The following MFN1 variants were observed in gnomAD, a reference collection of about 807,000 sequenced individuals.
MFN1 encodes mitofusin-1.
MFN1 carries 65 observed loss-of-function variants against 92.4 expected under a neutral mutation model. The observed-to-expected ratio is 0.70, with a 90% CI of 0.58 to 0.86. The LOEUF (loss-of-function observed/expected upper bound fraction) is 0.86, where lower values mean the gene tolerates loss of function less well. MFN1 is among the 40% of genes least tolerant of loss of function. MFN1 has a pLI of 0.00. For missense variants in MFN1, 781 were observed against 868.0 expected, an observed-to-expected ratio of 0.90 and a Z score of 1.26; for synonymous variants, 297 against 300.9, an observed-to-expected ratio of 0.99 and a Z score of 0.13.
At chr3:179,384,108 A>G (rs1302101924) in intron 14 of MFN1, among the ~76,000 whole-genome samples, 2 of 152,200 alleles carry the variant, frequency 1.3e-5, no homozygotes, top group African/African-American at 4.8e-5. Flanking sequence ...TTCACTTAGT[A>G]TAATGTTTTC....
At chr3:179,351,757 G>A (rs1030103829) in intron 2 of MFN1, 143 bp from the exon 3 acceptor site, 18 of 685,628 alleles carry the variant, frequency 2.6e-5, no homozygotes, top group African/African-American at 3.6e-5. Flanking sequence ...TTGCCACGGA[G>A]TATGCACCTT....
chr3:179,347,872 G>C (rs1711975005), intron 1 of MFN1, 62 bp downstream of exon 1: 1 of 152,286 alleles, frequency 6.6e-6, no homozygotes, highest in South Asian at 2.1e-4. Context: ...GAGCGACTGG[G>C]GACCGGGGGC....
intron 14 of MFN1, among the ~76,000 whole-genome samples, chr3:179,385,014 T>C (rs1194249114): frequency 1.4e-5 from 2 of 145,750 alleles, no homozygotes; most frequent in Non-Finnish European, 3.0e-5. Flanking sequence ...CACGCCATTC[T>C]CCTGCCTCAG....
chr3:179,360,195 C>T (rs1402376509), intron 4 of MFN1, among the ~76,000 whole-genome samples: 12 of 152,200 alleles, frequency 7.9e-5, no homozygotes, highest in African/African-American at 4.8e-5. Flanking sequence ...AGATTACAGG[C>T]GTGAACCACC....
intron 5 of MFN1, among the ~76,000 whole-genome samples, chr3:179,363,437 T>G (rs918777816): frequency 2.6e-5 from 4 of 152,204 alleles, no homozygotes; most frequent in Non-Finnish European, 5.9e-5. Context: ...TATAATTGTA[T>G]TGTTTGTAAT....
intron 14 of MFN1, among the ~76,000 whole-genome samples, chr3:179,385,239 A>G (rs1369546229): frequency 7.0e-6 from 1 of 143,046 alleles, no homozygotes; most frequent in East Asian, 2.0e-4. Context: ...TTTTTAGTTT[A>G]TCATTTTTTG....
intron 10 of MFN1, among the ~76,000 whole-genome samples, chr3:179,376,673 A>G (rs1218007027): frequency 2.6e-5 from 4 of 152,214 alleles, no homozygotes; most frequent in African/African-American, 9.6e-5. Flanking sequence ...CTGTGTTTCA[A>G]GAAAACTTTA....
At chr3:179,364,557 A>G in intron 6 of MFN1, 152 bp downstream of exon 6, 1 of 632,336 alleles carries the variant, frequency 1.6e-6, no homozygotes, top group Non-Finnish European at 2.7e-6. Flanking sequence ...ATAGAACCAG[A>G]AGGGCTGTTT....
intron 15 of MFN1, among the ~76,000 whole-genome samples, chr3:179,386,094 C>T (rs1191538640): frequency 6.6e-6 from 1 of 152,100 alleles, no homozygotes; most frequent in Non-Finnish European, 1.5e-5. Flanking sequence ...AGTAGTAGTT[C>T]TTATTTGTTT....
At chr3:179,361,800 A>G (rs1712591659) in intron 4 of MFN1, among the ~76,000 whole-genome samples, 1 of 152,156 alleles carries the variant, frequency 6.6e-6, no homozygotes, top group African/African-American at 2.4e-5. Context: ...GGCCTCCCAA[A>G]GTGCTGGAAT....
rs1388935455 is a variant in MFN1 at position 179,362,465 on chromosome 3, C to T, written c.519C>T (p.Asp173=). Residue 173 remains aspartate (D), a synonymous_variant, in exon 5 of 18, where the codon GAC becomes GAT. Coordinates refer to ENST00000471841, the MANE Select transcript of MFN1 (RefSeq NM_033540.3). ...PKAKCALLRD[D]LVLVDSPGTD... Reference sequence around the variant, plus strand: ...CAAAATGTGCCCTCTTGAGAGATGACCTGGTGTTAGTAGACAGGTAAAATT... The same window carrying T: ...CAAAATGTGCCCTCTTGAGAGATGATCTGGTGTTAGTAGACAGGTAAAATT... 3.7e-6 allele frequency: 6 copies of T among 1,613,252 alleles called. No homozygotes were observed. Among genetic ancestry groups the T allele is most frequent in the Non-Finnish European group, 4.2e-6 (5 of 1,179,744 alleles).
intron 9 of MFN1, 126 bp from the exon 10 acceptor site, chr3:179,375,094 A>T: frequency 9.5e-7 from 1 of 1,057,688 alleles, no homozygotes; most frequent in Non-Finnish European, 1.3e-6. Context: ...TGCTTTTATC[A>T]CTCATTTGTT....
intron 16 of MFN1, among the ~76,000 whole-genome samples, chr3:179,389,307 A>G (rs1044882870): frequency 2.0e-5 from 3 of 152,202 alleles, no homozygotes; most frequent in East Asian, 3.8e-4. Flanking sequence ...CTTTCCCTGC[A>G]TTGATTATCA....
intron 9 of MFN1, among the ~76,000 whole-genome samples, chr3:179,373,673 TTTTA>T (rs1713108589): frequency 1.3e-5 from 2 of 151,828 alleles, no homozygotes; most frequent in South Asian, 2.1e-4. Flanking sequence ...TTTTATAAAT[TTTTA>T]TTTATTTATT....
chr3:179,391,138 C>G (rs1028179397), intron 17 of MFN1, among the ~76,000 whole-genome samples: 2 of 152,038 alleles, frequency 1.3e-5, no homozygotes, highest in Admixed American at 1.3e-4. Flanking sequence ...GGTTTTTTGT[C>G]TTAACCTAGG....
chr3:179,390,537 C>G (rs1205002280), intron 17 of MFN1, among the ~76,000 whole-genome samples: 1 of 152,138 alleles, frequency 6.6e-6, no homozygotes, highest in East Asian at 1.9e-4. Context: ...ATTATGTATA[C>G]TTAAATCATA....
rs562742618 is a variant in MFN1 at position 179,363,667 on chromosome 3, T to G, written c.537-630T>G. Among the ~76,000 whole-genome samples the G allele has an allele frequency of 1.2e-4, 19 of 152,054 alleles. 1 individual carries two copies. The highest frequency in any genetic ancestry group is 4.6e-4 in the Admixed American group (7 of 15,272). ...CCACCAAGCCTAGCTAATTTTTTTT[T>G]TGTGTATGTGGAGTCAGGGTTTTGT... On this transcript the variant is annotated intron_variant, in intron 5 of 17. Transcript: ENST00000471841.
At chr3:179,366,105 G>A (rs966717486) in intron 7 of MFN1, among the ~76,000 whole-genome samples, 2 of 152,114 alleles carry the variant, frequency 1.3e-5, no homozygotes, top group Non-Finnish European at 2.9e-5. Flanking sequence ...TTACAATTGG[G>A]GTTTTGTGCT....
At position 179,366,001 on chromosome 3, in the gene MFN1, G is replaced by A. The variant is rs993591970; in HGVS notation, c.753+776G>A. Among the ~76,000 whole-genome samples the A allele has an allele frequency of 3.3e-5, 5 of 152,140 alleles. 1 individual carries two copies. The South Asian group carries it at 6.2e-4, about 19-fold the overall frequency. On this transcript the variant is annotated intron_variant, in intron 7 of 17. Transcript: ENST00000471841. ...GTATATGTCCTTCTGGTATGCATAT[G>A]TATGCATTTTTGTTAGGTAGTTCTC...
Sources: allele counts gnomAD v4.1 joint callset (sites outside exome capture counted in the v4.1 genomes callset), GRCh38; gene constraint gnomAD v4.1.1; transcripts MANE v1.5; gene names NCBI Gene and HGNC (gene_info 2026-07-23, HGNC 2026-07-21).